Variants in MID1 observed in about 807,000 individuals in gnomAD.
MID1 encodes the protein midline 1.
In MID1, 7 loss-of-function variants were observed where a neutral mutation model predicts 40.4. The observed-to-expected ratio is 0.17, with a 90% CI of 0.10 to 0.33. The LOEUF (loss-of-function observed/expected upper bound fraction) is 0.33, where lower values mean the gene tolerates loss of function less well. MID1 is among the 10% of genes least tolerant of loss of function. MID1 has a pLI of 1.00. For missense variants in MID1, 367 were observed against 558.5 expected (o/e 0.66, Z 3.46); for synonymous variants, 229 against 221.2 (o/e 1.04, Z -0.31).
At chrX:10,544,016 A>T (rs1415017780) in intron 2 of MID1, among the ~76,000 whole-genome samples, 1 of 111,014 alleles carries the variant, frequency 9.0e-6, no homozygotes, top group African/African-American at 3.3e-5. Context: ...AAAAATACAA[A>T]CAAACAAACA....
chrX:10,449,465 G>C lies in MID1; in HGVS notation c.1907C>G (p.Pro636Arg). 8.3e-7 allele frequency: 1 copy of C among 1,211,955 alleles called. No individual in the cohort carries two copies. Among genetic ancestry groups the C allele is most frequent in the East Asian group, 3.0e-5 (1 of 33,816 alleles). ...CCACACGGTGAAGGTGGGGCAAACA[G>C]GCTGCGCAAATGCGACGTCGAAGGT... ...LYTFDVAFAQPVCPTFTVWNK... is the reference protein window; with the variant it reads ...LYTFDVAFAQRVCPTFTVWNK... Residue 636 changes from proline to arginine, a missense_variant, in exon 10 of 10, where the codon CCT becomes CGT. Physicochemically the swap from Pro to Arg is moderately radical, Grantham distance 103 (BLOSUM62 -2). Coordinates refer to ENST00000317552, the MANE Select transcript of MID1 (RefSeq NM_000381.4).
rs1859282 is a variant in MID1 at position 10,612,748 on chromosome X, T to C, written c.-57+7542A>G. Among the ~76,000 whole-genome samples, 711 of 112,184 alleles carry C rather than the reference T, an allele frequency of 6.3e-3. 3 individuals carry two copies. Among genetic ancestry groups the C allele is most frequent in the African/African-American group, 0.022 (683 of 30,900 alleles). On this transcript the variant is annotated intron_variant, in intron 1 of 9. Transcript: ENST00000317552. ...CCTTGGAATTTATTAGCATATTGAA[T>C]TATAGCACATGACCTGAAAACATCC... is the stretch of plus-strand genomic sequence containing the variant.
At chrX:10,623,259 A>G (rs887906868), upstream of MID1, among the ~76,000 whole-genome samples, 4 of 104,931 alleles carry the variant, frequency 3.8e-5, no homozygotes, top group African/African-American at 1.4e-4. Flanking sequence ...AAAAAGAAAA[A>G]AAAATAAAGA....
Position 10,453,333 on chromosome X carries a change from G to GT in MID1, c.1655+1536dup, listed in dbSNP as rs200325505. 7.9e-3 allele frequency among the ~76,000 whole-genome samples: 884 copies of GT among 111,702 alleles called. 11 individuals are homozygous for GT. The highest frequency in any genetic ancestry group is 0.026 in the African/African-American group (792 of 30,744). Reference sequence around the variant, plus strand: ...TATTTGCATAGGTTTGAATTGAAAGGTTTTTTTATATATAAATAAGTGTTT... The same window carrying GT: ...TATTTGCATAGGTTTGAATTGAAAGGTTTTTTTTATATATAAATAAGTGTTT... On this transcript the variant is annotated intron_variant, in intron 9 of 9. Coordinates refer to ENST00000317552, the MANE Select transcript of MID1 (RefSeq NM_000381.4).
chrX:10,516,588 G>A (rs1275137108), intron 3 of MID1, among the ~76,000 whole-genome samples: 2 of 84,611 alleles, frequency 2.4e-5, no homozygotes, highest in Admixed American at 2.3e-4. Flanking sequence ...GTGTGTGTGT[G>A]TGTGTGTGTG....
At chrX:10,822,969 T>C (rs1166429771) in intron 1 of MID1, among the ~76,000 whole-genome samples, 2 of 111,992 alleles carry the variant, frequency 1.8e-5, no homozygotes, top group Non-Finnish European at 3.8e-5. Context: ...ATTCCATTAC[T>C]GGGTATATAA....
chrX:10,531,698 G>C (rs1932978133), intron 2 of MID1, among the ~76,000 whole-genome samples: 1 of 112,273 alleles, frequency 8.9e-6, no homozygotes, highest in Non-Finnish European at 1.9e-5. Context: ...GTATGGTCTA[G>C]AAGAGCTTTT....
At chrX:10,492,509 C>T (rs1295907365) in intron 4 of MID1, among the ~76,000 whole-genome samples, 1 of 111,672 alleles carries the variant, frequency 9.0e-6, no homozygotes, top group Non-Finnish European at 1.9e-5. Context: ...TTCAAGCTAA[C>T]AATGTGACTT....
At chrX:10,553,957 T>G (rs1934025316) in intron 2 of MID1, among the ~76,000 whole-genome samples, 1 of 111,785 alleles carries the variant, frequency 8.9e-6, no homozygotes, top group South Asian at 3.8e-4. Flanking sequence ...GGACCATAGT[T>G]GTTTCTGCTT....
intron 1 of MID1, among the ~76,000 whole-genome samples, chrX:10,749,371 C>G (rs1053329923): frequency 1.1e-4 from 12 of 111,474 alleles, no homozygotes; most frequent in African/African-American, 3.9e-4. Flanking sequence ...CACAGAACCT[C>G]AAACCCCACC....
At chrX:10,585,482 T>A (rs1040892147) in intron 1 of MID1, among the ~76,000 whole-genome samples, 1 of 112,396 alleles carries the variant, frequency 8.9e-6, no homozygotes, top group African/African-American at 3.2e-5. Flanking sequence ...TTCCTGGAAT[T>A]TCTGGTACTG....
intron 1 of MID1, among the ~76,000 whole-genome samples, chrX:10,646,383 T>C (rs746846696): frequency 6.3e-5 from 7 of 111,666 alleles, no homozygotes; most frequent in Non-Finnish European, 1.1e-4. Context: ...GACTCTGGTA[T>C]AGTCCCAGGG....
intron 1 of MID1, among the ~76,000 whole-genome samples, chrX:10,809,300 A>G (rs1244808338): frequency 8.9e-6 from 1 of 111,830 alleles, no homozygotes; most frequent in Non-Finnish European, 1.9e-5. Flanking sequence ...GAGGATGTGG[A>G]GAAATAGGAA....
intron 6 of MID1, among the ~76,000 whole-genome samples, chrX:10,472,364 T>C (rs1187569736): frequency 1.8e-5 from 2 of 112,521 alleles, no homozygotes; most frequent in African/African-American, 6.5e-5. Context: ...GGATGAAATA[T>C]GGTGTATGTT....
intron 1 of MID1, among the ~76,000 whole-genome samples, chrX:10,811,634 T>C (rs770327591): frequency 1.8e-5 from 2 of 111,582 alleles, no homozygotes; most frequent in Non-Finnish European, 3.8e-5. Flanking sequence ...AAGAGAGAAA[T>C]GTTCATTGAT....
chrX:10,815,845 A>C (rs1340331534), intron 1 of MID1, among the ~76,000 whole-genome samples: 1 of 112,423 alleles, frequency 8.9e-6, no homozygotes, highest in Admixed American at 9.4e-5. Context: ...TGGTTTCTTC[A>C]GTCTACTGGC....
At chrX:10,678,484 A>G (rs748579838) in intron 1 of MID1, among the ~76,000 whole-genome samples, 51 of 112,524 alleles carry the variant, frequency 4.5e-4, no homozygotes, top group African/African-American at 1.6e-3. Flanking sequence ...TGTCCAGTAC[A>G]AAGAGAGTAA....
At chrX:10,664,397 T>C (rs2042936816) in intron 1 of MID1, among the ~76,000 whole-genome samples, 2 of 111,794 alleles carry the variant, frequency 1.8e-5, no homozygotes, top group Non-Finnish European at 3.8e-5. Context: ...CTCAAACTCC[T>C]GACCTCAAAT....
Position 10,449,345 on chromosome X carries a change from A to G in MID1, c.*23T>C. The G allele has an allele frequency of 1.7e-6, 2 of 1,172,602 alleles. No individual in the cohort carries two copies. Among genetic ancestry groups the G allele is most frequent in the Non-Finnish European group, 2.3e-6 (2 of 861,508 alleles). ...GCCTGAACCTTACTGTTCCCCAGAAAGCAGCTCCATGTGGCCAGACGCTCA... is the reference window on the plus strand; with the variant it reads ...GCCTGAACCTTACTGTTCCCCAGAAGGCAGCTCCATGTGGCCAGACGCTCA... On this transcript the variant is annotated 3_prime_UTR_variant, in exon 10 of 10. Transcript: ENST00000317552.
Sources: gnomAD v4.1 joint callset for allele counts (sites outside exome capture counted in the v4.1 genomes callset) on GRCh38, gnomAD v4.1.1 for gene constraint, MANE v1.5 for transcripts, NCBI Gene and HGNC (gene_info 2026-07-23, HGNC 2026-07-21) for gene names.